Variants in MYT1L observed in about 807,000 individuals in gnomAD.
MYT1L encodes myelin transcription factor 1-like protein.
A neutral mutation model predicts 126.7 loss-of-function variants in MYT1L; 12 were observed. The observed-to-expected ratio is 0.09, with a 90% CI of 0.06 to 0.15. The LOEUF (loss-of-function observed/expected upper bound fraction) is 0.15, where lower values mean the gene tolerates loss of function less well. Ranked by LOEUF, MYT1L falls within the 10% of genes least tolerant of loss-of-function variation. MYT1L has a pLI of 1.00. For synonymous variants in MYT1L, 541 were observed against 604.2 expected, an observed-to-expected ratio of 0.90 and a Z score of 1.53; for missense variants, 979 against 1,585.2, an observed-to-expected ratio of 0.62 and a Z score of 6.49.
Position 1,803,952 on chromosome 2 carries a change from C to T in MYT1L, c.3173-2153G>A, listed in dbSNP as rs578046163. Among the ~76,000 whole-genome samples the T allele has an allele frequency of 9.8e-5, 15 of 152,296 alleles. No homozygotes were observed. The South Asian group carries it at 1.0e-3, about 11-fold the overall frequency. On this transcript the variant is annotated intron_variant, in intron 22 of 24. Transcript: ENST00000647738. The stretch of plus-strand genomic sequence containing the variant: ...TGCGAGCCCCCAGGCACGTGCGCCT[C>T]GGCGTGAAGCCCCCTCAGGGAGAGG...
intron 4 of MYT1L, among the ~76,000 whole-genome samples, chr2:1,999,324 C>T (rs1042524927): frequency 3.9e-5 from 6 of 152,036 alleles, no homozygotes; most frequent in African/African-American, 1.2e-4. Context: ...AGTTAATTTG[C>T]CCACCCTTGA....
chr2:2,236,053 A>C (rs555611407), intron 2 of MYT1L, among the ~76,000 whole-genome samples: 76 of 151,868 alleles, frequency 5.0e-4, no homozygotes, highest in African/African-American at 1.8e-3. Context: ...CCAGTACATC[A>C]CAACCCAACC....
chr2:1,963,802 C>T (rs767788480), intron 8 of MYT1L, among the ~76,000 whole-genome samples: 3 of 152,242 alleles, frequency 2.0e-5, no homozygotes, highest in Non-Finnish European at 2.9e-5. Flanking sequence ...TTCTGAGTAG[C>T]CTCTGGCTTT....
intron 4 of MYT1L, among the ~76,000 whole-genome samples, chr2:2,022,161 C>G (rs889287023): frequency 2.6e-5 from 4 of 152,188 alleles, no homozygotes; most frequent in Non-Finnish European, 4.4e-5. Flanking sequence ...TATGGCCTTA[C>G]TTCGCCATGG....
At chr2:1,876,489 C>CG (rs1345943715) in intron 18 of MYT1L, among the ~76,000 whole-genome samples, 1 of 152,138 alleles carries the variant, frequency 6.6e-6, no homozygotes, top group African/African-American at 2.4e-5. Flanking sequence ...CCCTGACCCC[C>CG]CCGTCCATCT....
chr2:2,173,681 G>A (rs528212710), intron 2 of MYT1L, among the ~76,000 whole-genome samples: 5 of 152,324 alleles, frequency 3.3e-5, no homozygotes, highest in Admixed American at 2.6e-4. Flanking sequence ...AAATCAGAAA[G>A]TGAGAGGGTG....
Position 2,181,789 on chromosome 2 carries a change from T to G in MYT1L, c.-420-8801A>C, listed in dbSNP as rs564935065. Among the ~76,000 whole-genome samples the G allele has an allele frequency of 3.9e-5, 6 of 152,300 alleles. No individual in the cohort carries two copies. In the East Asian group the frequency reaches 1.2e-3, roughly 29 times the overall value. ...CATCTGCATAAATACATCCTCCAAC[T>G]AACTGCTTCCAAGTGAGAGAAAAAG... On this transcript the variant is annotated intron_variant, in intron 2 of 24. Coordinates refer to ENST00000647738, the MANE Select transcript of MYT1L (RefSeq NM_001303052.2).
intron 1 of MYT1L, among the ~76,000 whole-genome samples, chr2:2,301,913 AT>A (rs1411607143): frequency 6.6e-6 from 1 of 152,020 alleles, no homozygotes; most frequent in Non-Finnish European, 1.5e-5. Context: ...GTTCATGTGA[AT>A]TTGATCAAAC....
intron 4 of MYT1L, among the ~76,000 whole-genome samples, chr2:2,029,208 G>A (rs1025244471): frequency 2.6e-5 from 4 of 152,112 alleles, no homozygotes; most frequent in Non-Finnish European, 5.9e-5. Context: ...AATGACATTC[G>A]TGACTGTCTA....
intron 2 of MYT1L, among the ~76,000 whole-genome samples, chr2:2,236,493 C>T (rs1336344322): frequency 3.4e-5 from 5 of 148,138 alleles, no homozygotes; most frequent in African/African-American, 1.0e-4. Flanking sequence ...CCAGCACATC[C>T]GAACCCAACC....
intron 5 of MYT1L, among the ~76,000 whole-genome samples, chr2:1,995,495 TGCC>T (rs2149596656): frequency 6.6e-6 from 1 of 152,218 alleles, no homozygotes; most frequent in East Asian, 1.9e-4. Context: ...AAAAAACACC[TGCC>T]TCTTGCAGAA....
intron 8 of MYT1L, among the ~76,000 whole-genome samples, chr2:1,961,220 C>T (rs1165043836): frequency 3.3e-5 from 5 of 152,162 alleles, no homozygotes; most frequent in African/African-American, 9.7e-5. Flanking sequence ...ATGTACAGTA[C>T]GCAGGTGACG....
At chr2:1,863,576 T>C (rs1195326779) in intron 18 of MYT1L, among the ~76,000 whole-genome samples, 2 of 151,924 alleles carry the variant, frequency 1.3e-5, no homozygotes, top group Non-Finnish European at 2.9e-5. Context: ...CCCGGAAGGA[T>C]AGAAACGGCA....
chr2:2,182,130 C>T (rs1231575837), intron 2 of MYT1L, among the ~76,000 whole-genome samples: 4 of 150,522 alleles, frequency 2.7e-5, no homozygotes, highest in African/African-American at 2.5e-5. Flanking sequence ...CCACTCTGAC[C>T]GCACTGTGTC....
At chr2:2,020,606 T>C (rs2064931095) in intron 4 of MYT1L, among the ~76,000 whole-genome samples, 2 of 152,350 alleles carry the variant, frequency 1.3e-5, no homozygotes, top group South Asian at 2.1e-4. Context: ...TTATATGCAC[T>C]CTGCATACTT....
chr2:2,240,293 C>CTAAA (rs532182932), intron 2 of MYT1L, among the ~76,000 whole-genome samples: 25 of 151,842 alleles, frequency 1.6e-4, no homozygotes, highest in East Asian at 5.8e-4. Context: ...AACTCCGTCT[C>CTAAA]TAAATAAATA....
At chr2:2,295,525 T>A (rs12474027) in intron 1 of MYT1L, among the ~76,000 whole-genome samples, 35,769 of 67,950 alleles carry the variant, frequency 0.53, 10,556 homozygotes, top group Non-Finnish European at 0.64. Flanking sequence ...GCAGAGGAGG[T>A]GCAGAGAAAG....
intron 3 of MYT1L, among the ~76,000 whole-genome samples, chr2:2,167,140 G>A (rs926241737): frequency 6.6e-6 from 1 of 152,174 alleles, no homozygotes; most frequent in African/African-American, 2.4e-5. Context: ...CAGCCGCTGC[G>A]CTGCAGGTTT....
chr2:2,019,070 T>A (rs2064752612), intron 4 of MYT1L, among the ~76,000 whole-genome samples: 1 of 152,132 alleles, frequency 6.6e-6, no homozygotes, highest in Admixed American at 6.5e-5. Context: ...AGAAATTAAT[T>A]TGGTGACTTA....
Sources: allele counts gnomAD v4.1 joint callset (sites outside exome capture counted in the v4.1 genomes callset), GRCh38; gene constraint gnomAD v4.1.1; transcripts MANE v1.5; gene names NCBI Gene and HGNC (gene_info 2026-07-23, HGNC 2026-07-21).